The following TNIP2 variants were observed in gnomAD, a reference collection of about 807,000 sequenced individuals.
The protein encoded by TNIP2 is TNFAIP3-interacting protein 2.
Under a neutral mutation model 43.7 loss-of-function variants are expected in TNIP2, and 30 were observed. The observed-to-expected ratio is 0.69, with a 90% CI of 0.51 to 0.93. The LOEUF is 0.93. Ranked by LOEUF, TNIP2 falls within the 40% of genes least tolerant of loss-of-function variation. The pLI, the probability that TNIP2 is intolerant of heterozygous loss-of-function variation, is 0.00. For missense variants in TNIP2, 599 were observed against 591.0 expected (o/e 1.01, Z -0.14); for synonymous variants, 260 against 254.6 (o/e 1.02, Z -0.20).
intron 1 of TNIP2, among the ~76,000 whole-genome samples, chr4:2,752,718 G>T (rs372940947): frequency 6.6e-6 from 1 of 152,300 alleles, no homozygotes; most frequent in South Asian, 2.1e-4. Context: ...CAGATTGAAC[G>T]TTGGGATGAG....
At chr4:2,745,761 C>T (rs1160758713) in intron 2 of TNIP2, among the ~76,000 whole-genome samples, 1 of 152,266 alleles carries the variant, frequency 6.6e-6, no homozygotes, top group Non-Finnish European at 1.5e-5. Context: ...GTCTTCAGGC[C>T]ACACCACCTT....
At chr4:2,749,553 T>G (rs1722050225) in intron 1 of TNIP2, among the ~76,000 whole-genome samples, 1 of 152,098 alleles carries the variant, frequency 6.6e-6, no homozygotes, top group African/African-American at 2.4e-5. Context: ...AGGAGTGACG[T>G]CTTGTCTTGT....
intron 2 of TNIP2, 84 bp downstream of exon 2, chr4:2,747,571 C>T: frequency 6.8e-7 from 1 of 1,466,470 alleles, no homozygotes; most frequent in Non-Finnish European, 9.2e-7. Flanking sequence ...TGGGGCGCCC[C>T]CCCACCTCTG....
rs1022106960 is a variant in TNIP2 at position 2,744,391 on chromosome 4, C to T, written c.1022G>A (p.Arg341Lys). The change falls in exon 5 of 6, where the codon AGA becomes AAA. Residue 341 changes from arginine (R) to lysine (K), a missense_variant. Physicochemically the swap from Arg to Lys is conservative, Grantham distance 26. Coordinates refer to ENST00000315423, the MANE Select transcript of TNIP2 (RefSeq NM_024309.4). The surrounding 1 kb of genome is among the most constrained non-coding windows in gnomAD (Gnocchi z 5.1). Reference protein sequence around the residue: ...VASLLHQVSWRQDSREPDAGR... With the variant: ...VASLLHQVSWKQDSREPDAGR... Reference sequence around the variant, plus strand: ...AAAAACGCCCTCATACTCTACCTGTCTCCAGGACACCTGGTGCAGCAAAGA... The same window carrying T: ...AAAAACGCCCTCATACTCTACCTGTTTCCAGGACACCTGGTGCAGCAAAGA... 1.9e-6 allele frequency: 3 copies of T among 1,614,242 alleles called. No individual in the cohort carries two copies. The highest frequency in any genetic ancestry group is 2.7e-5 in the African/African-American group (2 of 75,064).
At chr4:2,743,646 T>C (rs1721855121) in intron 5 of TNIP2, among the ~76,000 whole-genome samples, 1 of 152,186 alleles carries the variant, frequency 6.6e-6, no homozygotes, top group Non-Finnish European at 1.5e-5. Context: ...GCTGACGTCC[T>C]AGCTCCAGCC....
chr4:2,743,060 GC>G (rs958221758), intron 5 of TNIP2, among the ~76,000 whole-genome samples: 1 of 152,194 alleles, frequency 6.6e-6, no homozygotes, highest in Non-Finnish European at 1.5e-5. Flanking sequence ...CTGAAGCACT[GC>G]AGCCTGTGGC....
At chr4:2,754,105 C>CT (rs1222486484) in intron 1 of TNIP2, among the ~76,000 whole-genome samples, 21 of 151,864 alleles carry the variant, frequency 1.4e-4, no homozygotes, top group African/African-American at 5.1e-4. Flanking sequence ...AATTTTTTTT[C>CT]TTTTTTAAAA....
rs1393209434 is a variant in TNIP2, at chr4:2,744,395, AG to A, written c.1017del (p.Trp340GlyfsTer28). ...ACGCCCTCATACTCTACCTGTCTCCAGGACACCTGGTGCAGCAAAGAGGCGA... is the reference window on the plus strand; with the variant it reads ...ACGCCCTCATACTCTACCTGTCTCCAGACACCTGGTGCAGCAAAGAGGCGA... Reference protein sequence around the residue: ...EKVASLLHQVSWRQDSREPDA... With the variant: ...EKVASLLHQVXWRQDSREPDA... On this transcript the variant is annotated frameshift_variant, in exon 5 of 6. Coordinates refer to ENST00000315423, the MANE Select transcript of TNIP2 (RefSeq NM_024309.4). LOFTEE classifies it low-confidence loss of function (END_TRUNC). This position sits in a 1 kb window ranked among gnomAD's most constrained non-coding sequence, Gnocchi z 5.1. 1.9e-6 allele frequency: 3 copies of A among 1,614,222 alleles called. No individual in the cohort carries two copies. Among genetic ancestry groups the A allele is most frequent in the Non-Finnish European group, 2.5e-6 (3 of 1,180,014 alleles).
At chr4:2,751,263 G>A (rs1393548594) in intron 1 of TNIP2, among the ~76,000 whole-genome samples, 1 of 152,220 alleles carries the variant, frequency 6.6e-6, no homozygotes, top group Non-Finnish European at 1.5e-5. Context: ...AGCTGGAGTT[G>A]TGGGTCTACA....
chr4:2,747,183 C>G (rs532452320), intron 2 of TNIP2, among the ~76,000 whole-genome samples: 2 of 152,368 alleles, frequency 1.3e-5, no homozygotes, highest in Admixed American at 1.3e-4. Context: ...TGCATGCACT[C>G]AGACACACTG....
rs1310127899 is a variant in TNIP2 at position 2,741,794 on chromosome 4, G to A, written c.*463C>T. 1 of 157,394 alleles carries A rather than the reference G, an allele frequency of 6.4e-6. No individual in the cohort carries two copies. Among genetic ancestry groups the A allele is most frequent in the Non-Finnish European group, 1.4e-5 (1 of 71,812 alleles). The allele number at this position is 157,394 out of a possible 1,614,324, so 9.7% of individuals were successfully genotyped here. ...ACATGTGGCTCGCAATGGCGGGGGT[G>A]GCCACCCTAGTGTGACGTGCAGCCG... On this transcript the variant is annotated 3_prime_UTR_variant, in exon 6 of 6. Coordinates refer to ENST00000315423, the MANE Select transcript of TNIP2 (RefSeq NM_024309.4).
chr4:2,744,437 C>T lies in TNIP2; in HGVS notation c.976G>A (p.Glu326Lys). 1 of 1,614,238 alleles carries T rather than the reference C, an allele frequency of 6.2e-7. No homozygotes were observed. ...AAAGAGGCGACCTTTTCCTCCAGTT[C>T]TTGAATCCTACTTTGAGCCCGTTCC... ...DRERAQSRIQ[E>K]LEEKVASLLH... Residue 326 changes from glutamate to lysine, a missense_variant, in exon 5 of 6, where the codon GAA becomes AAA. Glu to Lys is a moderately conservative substitution (Grantham distance 56). Transcript: ENST00000315423. This position sits in a 1 kb window ranked among gnomAD's most constrained non-coding sequence, Gnocchi z 5.1.
rs1044681696 is a variant in TNIP2 at position 2,744,062 on chromosome 4, G to C, written c.1026+325C>G. Among the ~76,000 whole-genome samples the C allele has an allele frequency of 6.6e-6, 1 of 152,210 alleles. No homozygotes were observed. Among genetic ancestry groups the C allele is most frequent in the African/African-American group, 2.4e-5 (1 of 41,454 alleles). On this transcript the variant is annotated intron_variant, in intron 5 of 5. Coordinates refer to ENST00000315423, the MANE Select transcript of TNIP2 (RefSeq NM_024309.4). The surrounding 1 kb of genome is among the most constrained non-coding windows in gnomAD (Gnocchi z 5.1). ...GGTTCCCGTCTCACAGACAGGTCAG[G>C]ACACGTAGGGAGCTCACACTTTGAG...
chr4:2,756,186 T>C lies in TNIP2; in HGVS notation c.104A>G (p.Gln35Arg). Residue 35 changes from glutamine to arginine, a missense_variant, in exon 1 of 6, where the codon CAG becomes CGG. Coordinates refer to ENST00000315423, the MANE Select transcript of TNIP2 (RefSeq NM_024309.4). Reference sequence around the variant, plus strand: ...GGCGTCGCGGGCAGCGAGCTGGTCCTGCAGGCGGCGCAGCCGCTGTCCGGC... The same window carrying C: ...GGCGTCGCGGGCAGCGAGCTGGTCCCGCAGGCGGCGCAGCCGCTGTCCGGC... ...HEAGQRLRRL[Q>R]DQLAARDALI... 1.4e-6 allele frequency: 2 copies of C among 1,476,904 alleles called. No homozygotes were observed. Among genetic ancestry groups the C allele is most frequent in the Non-Finnish European group, 1.8e-6 (2 of 1,121,962 alleles). 91.5% of individuals were successfully genotyped at this position (1,476,904 alleles called of 1,614,324 possible).
At chr4:2,747,990 C>T in intron 1 of TNIP2, 45 bp from the exon 2 acceptor site, 1 of 1,587,538 alleles carries the variant, frequency 6.3e-7, no homozygotes, top group Non-Finnish European at 8.6e-7. Flanking sequence ...TTAAAAGAAG[C>T]AGTGTCAAGA....
In TNIP2 at chr4:2,744,348, C is replaced by G; in HGVS notation, c.1026+39G>C. ...TCTCATGAGAAGAGAAACAAAAACA[C>G]TAAACCTAAGCAGGAAGAAAAACGC... On this transcript the variant is annotated intron_variant, in intron 5 of 5. Coordinates refer to ENST00000315423, the MANE Select transcript of TNIP2 (RefSeq NM_024309.4). The surrounding 1 kb of genome is among the most constrained non-coding windows in gnomAD (Gnocchi z 5.1). The G allele has an allele frequency of 6.2e-7, 1 of 1,613,332 alleles. No homozygotes were observed. The highest frequency in any genetic ancestry group is 1.1e-5 in the South Asian group (1 of 91,006).
rs1722241270 is a variant in TNIP2, at chr4:2,756,218, G to A, written c.72C>T (p.Tyr24=). 2.0e-6 allele frequency: 3 copies of A among 1,472,694 alleles called. No homozygotes were observed. 91.2% of individuals were successfully genotyped at this position (1,472,694 alleles called of 1,614,324 possible). A position where few individuals can be genotyped will look rare whatever the true frequency, so the allele number is the denominator to read the frequency against. Residue 24 remains tyrosine (Y), a synonymous_variant, in exon 1 of 6, where the codon TAC becomes TAT. Coordinates refer to ENST00000315423, the MANE Select transcript of TNIP2 (RefSeq NM_024309.4). The stretch of plus-strand genomic sequence containing the variant: ...GGCGCAGCCGCTGTCCGGCCTCGTG[G>A]TACAGGGTGCAGAGCGCGGCAGCTG... ...PRAAAALCTL[Y]HEAGQRLRRL... is the part of the protein sequence containing the mutation.
rs755459482 is a variant in TNIP2 at position 2,756,044 on chromosome 4, C to G, written c.246G>C (p.Glu82Asp). 3 of 1,549,116 alleles carry G rather than the reference C, an allele frequency of 1.9e-6. No homozygotes were observed. In the South Asian group the frequency reaches 3.5e-5, roughly 18 times the overall value. The part of the protein sequence containing the change: ...ARFREQLRRQ[E>D]GGAAEAQMRQ... The stretch of plus-strand genomic sequence containing the variant: ...GCATCTGGGCCTCGGCGGCGCCGCC[C>G]TCCTGCCTTCGCAGCTGCTCCCGGA... Residue 82 changes from glutamate (E) to aspartate (D), a missense_variant, in exon 1 of 6, where the codon GAG (glutamate) becomes GAC (aspartate). Transcript: ENST00000315423.
Position 2,748,152 on chromosome 4 carries a change from A to ATGTTC in TNIP2, c.277-212_277-208dup, listed in dbSNP as rs1413764178. ...TAACTCTGGAGTTTTTCAGCCTACA[A>ATGTTC]TGTTCTGTTCTGAAACTTCATCTCA... On this transcript the variant is annotated intron_variant, in intron 1 of 5. Coordinates refer to ENST00000315423, the MANE Select transcript of TNIP2 (RefSeq NM_024309.4). Among the ~76,000 whole-genome samples the ATGTTC allele has an allele frequency of 1.8e-4, 28 of 152,204 alleles. 1 individual carries two copies. In the South Asian group the frequency reaches 5.4e-3, roughly 29 times the overall value.
Sources: gnomAD v4.1 joint callset for allele counts (sites outside exome capture counted in the v4.1 genomes callset) on GRCh38, gnomAD v4.1.1 for gene constraint, Gnocchi (gnomAD v3.1) non-coding constraint, MANE v1.5 for transcripts, NCBI Gene and HGNC (gene_info 2026-07-23, HGNC 2026-07-21) for gene names.